Variants in CSMD3 observed in about 807,000 individuals in gnomAD.
CSMD3 encodes CUB and Sushi multiple domains 3.
In CSMD3, 177 loss-of-function variants were observed where a neutral mutation model predicts 435.2. The observed-to-expected ratio is 0.41, with a 90% CI of 0.36 to 0.46. The LOEUF is 0.46. Among genes scored for constraint, CSMD3 ranks in the 20% least tolerant of loss-of-function variants. CSMD3 has a pLI of 0.34. For missense variants in CSMD3, 4,265 were observed against 4,504.6 expected (o/e 0.95, Z 1.52); for synonymous variants, 1,656 against 1,520.5 (o/e 1.09, Z -2.07).
chr8:112,541,475 T>C (rs1486989122), intron 27 of CSMD3, among the ~76,000 whole-genome samples: 1 of 151,786 alleles, frequency 6.6e-6, no homozygotes, highest in Non-Finnish European at 1.5e-5. Context: ...TGAACAATTA[T>C]ATGATTACAA....
At chr8:112,721,448 G>A (rs1431272043) in intron 13 of CSMD3, among the ~76,000 whole-genome samples, 3 of 151,918 alleles carry the variant, frequency 2.0e-5, no homozygotes, top group East Asian at 1.9e-4. Flanking sequence ...GGTGGTGGGA[G>A]GCCTGTAATC....
chr8:112,239,754 C>T (rs1389247102), intron 66 of CSMD3, among the ~76,000 whole-genome samples: 1 of 152,006 alleles, frequency 6.6e-6, no homozygotes, highest in African/African-American at 2.4e-5. Flanking sequence ...AATCTACTCT[C>T]TATGTAGTTA....
Position 113,044,329 on chromosome 8 carries a change from T to C in CSMD3, c.918-25150A>G, listed in dbSNP as rs146490570. Among the ~76,000 whole-genome samples the C allele has an allele frequency of 2.3e-5, 3 of 127,882 alleles. No individual in the cohort carries two copies. The East Asian group carries it at 5.8e-4, about 25-fold the overall frequency. 83.9% of individuals were successfully genotyped at this position (127,882 alleles called of 152,430 possible). A position where few individuals can be genotyped will look rare whatever the true frequency, so the allele number is the denominator to read the frequency against. ...CAATTTTTAATAGGAATTTACTTCCTCTAAAGGAATGTTACTGTCTTCAGT... is the reference window on the plus strand; with the variant it reads ...CAATTTTTAATAGGAATTTACTTCCCCTAAAGGAATGTTACTGTCTTCAGT... On this transcript the variant is annotated intron_variant, in intron 5 of 70. Transcript: ENST00000297405.
chr8:112,292,457 A>T (rs1819859805), intron 55 of CSMD3, 80 bp downstream of exon 55: 1 of 1,422,832 alleles, frequency 7.0e-7, no homozygotes, highest in Non-Finnish European at 9.9e-7. Context: ...TATTCTGCTC[A>T]AGCTGTTTTA....
intron 61 of CSMD3, among the ~76,000 whole-genome samples, chr8:112,262,032 T>A (rs943719064): frequency 2.6e-5 from 4 of 152,114 alleles, no homozygotes; most frequent in African/African-American, 9.6e-5. Flanking sequence ...ATAGCTGATA[T>A]TTTTTCACTT....
At chr8:113,287,858 T>C (rs1380745595) in intron 2 of CSMD3, among the ~76,000 whole-genome samples, 1 of 151,960 alleles carries the variant, frequency 6.6e-6, no homozygotes, top group Non-Finnish European at 1.5e-5. Context: ...ACCTGAAAGT[T>C]AGTGAAGGCT....
rs143860945 is a variant in CSMD3 at position 113,349,797 on chromosome 8, A to G, written c.179-35004T>C. 6.6e-5 allele frequency among the ~76,000 whole-genome samples: 10 copies of G among 152,214 alleles called. No individual in the cohort carries two copies. The East Asian group carries it at 1.9e-3, about 29-fold the overall frequency. ...AATCGGTAACTTCCAACGATGTAGT[A>G]TGGTAGATTGTCTTCAAATAATTCC... On this transcript the variant is annotated intron_variant, in intron 1 of 70. Coordinates refer to ENST00000297405, the MANE Select transcript of CSMD3 (RefSeq NM_198123.2).
chr8:113,229,197 C>G (rs888565241), intron 3 of CSMD3, among the ~76,000 whole-genome samples: 1 of 151,466 alleles, frequency 6.6e-6, no homozygotes, highest in Non-Finnish European at 1.5e-5. Context: ...TATGAAAAGC[C>G]ACAGATACTC....
intron 13 of CSMD3, among the ~76,000 whole-genome samples, chr8:112,713,607 C>A (rs1335840509): frequency 6.6e-6 from 1 of 151,760 alleles, no homozygotes; most frequent in African/African-American, 2.4e-5. Context: ...GAAGATCAAC[C>A]CCAAGATACA....
chr8:112,827,746 G>A (rs2079741654), intron 12 of CSMD3, among the ~76,000 whole-genome samples: 1 of 152,152 alleles, frequency 6.6e-6, no homozygotes, highest in South Asian at 2.1e-4. Flanking sequence ...CTTATATCAG[G>A]TGTCACTTAA....
At chr8:112,610,244 A>G (rs954422121) in intron 22 of CSMD3, among the ~76,000 whole-genome samples, 2 of 152,134 alleles carry the variant, frequency 1.3e-5, no homozygotes, top group Non-Finnish European at 2.9e-5. Flanking sequence ...CAATCATTTC[A>G]CAATGCAGAT....
chr8:112,937,763 C>T (rs763319968), intron 9 of CSMD3, among the ~76,000 whole-genome samples: 1 of 152,064 alleles, frequency 6.6e-6, no homozygotes, highest in Non-Finnish European at 1.5e-5. Context: ...ACTTATCTTA[C>T]TGTTACTGTT....
At position 113,060,009 on chromosome 8, in the gene CSMD3, A is replaced by G. The variant is rs945097100; in HGVS notation, c.917+38747T>C. 6.2e-5 allele frequency among the ~76,000 whole-genome samples: 9 copies of G among 144,266 alleles called. No homozygotes were observed. The East Asian group carries it at 1.7e-3, about 27-fold the overall frequency. 94.6% of individuals were successfully genotyped at this position (144,266 alleles called of 152,430 possible). A position where few individuals can be genotyped will look rare whatever the true frequency, so the allele number is the denominator to read the frequency against. ...TTTATTTATTTATTTTTTTTTTATT[A>G]TACTCTAAGTTTTAGGGTACATGTG... On this transcript the variant is annotated intron_variant, in intron 5 of 70. Coordinates refer to ENST00000297405, the MANE Select transcript of CSMD3 (RefSeq NM_198123.2).
At chr8:112,829,254 G>A (rs891615903) in intron 12 of CSMD3, among the ~76,000 whole-genome samples, 2 of 152,068 alleles carry the variant, frequency 1.3e-5, no homozygotes, top group African/African-American at 4.8e-5. Flanking sequence ...GATTCACTAA[G>A]TTCGGCTTGA....
chr8:112,921,207 A>G (rs1214523115), intron 10 of CSMD3, among the ~76,000 whole-genome samples: 3 of 152,002 alleles, frequency 2.0e-5, no homozygotes, highest in Admixed American at 6.6e-5. Flanking sequence ...TAAATTAACT[A>G]ACTGTAGAAC....
intron 13 of CSMD3, among the ~76,000 whole-genome samples, chr8:112,786,558 AG>A (rs1405777111): frequency 1.3e-5 from 2 of 151,780 alleles, no homozygotes; most frequent in Non-Finnish European, 2.9e-5. Context: ...ACAACTCAAT[AG>A]GAAAAAAAAA....
intron 38 of CSMD3, among the ~76,000 whole-genome samples, chr8:112,373,376 A>G (rs1828625219): frequency 6.6e-6 from 1 of 152,080 alleles, no homozygotes; most frequent in South Asian, 2.1e-4. Context: ...GCAGTGACAT[A>G]GGTGTCTCCT....
intron 32 of CSMD3, among the ~76,000 whole-genome samples, chr8:112,436,539 T>C (rs1041125135): frequency 1.3e-5 from 2 of 152,092 alleles, no homozygotes; most frequent in Admixed American, 6.6e-5. Flanking sequence ...GTAGTTTTTC[T>C]GCTTAAAGAA....
chr8:112,833,815 G>C (rs1193158091), intron 11 of CSMD3, among the ~76,000 whole-genome samples: 1 of 151,896 alleles, frequency 6.6e-6, no homozygotes, highest in Non-Finnish European at 1.5e-5. Flanking sequence ...ATTTCAGTGA[G>C]AGTAACTCTC....
Sources: gnomAD v4.1 joint callset for allele counts (sites outside exome capture counted in the v4.1 genomes callset) on GRCh38, gnomAD v4.1.1 for gene constraint, MANE v1.5 for transcripts, NCBI Gene and HGNC (gene_info 2026-07-23, HGNC 2026-07-21) for gene names.